Variants in TFDP2 observed in about 807,000 individuals in gnomAD.
TFDP2 encodes the protein transcription factor Dp-2.
TFDP2 carries 17 observed loss-of-function variants against 59.3 expected under a neutral mutation model. The ratio of observed to expected loss-of-function variants is 0.29; its 90% CI spans 0.20 to 0.43. TFDP2 has a LOEUF of 0.43. TFDP2 is among the 20% of genes least tolerant of loss of function. The probability of loss-of-function intolerance (pLI) is 1.00; values close to 1 mark genes in which losing one functional copy is unlikely to be tolerated. For synonymous variants in TFDP2, 180 were observed against 194.7 expected (o/e 0.92, Z 0.63); for missense variants, 391 against 528.8 (o/e 0.74, Z 2.56).
At chr3:142,148,234 A>G (rs577921940) in intron 1 of TFDP2, among the ~76,000 whole-genome samples, 235 of 152,298 alleles carry the variant, frequency 1.5e-3, no homozygotes, top group Admixed American at 5.4e-3. Context: ...AAGAAAGCAA[A>G]TAAGTGAGAG....
intron 3 of TFDP2, among the ~76,000 whole-genome samples, chr3:142,023,930 A>G (rs1945869190): frequency 6.6e-6 from 1 of 152,150 alleles, no homozygotes; most frequent in Non-Finnish European, 1.5e-5. Context: ...TCTCCCGAGT[A>G]GCTGGGACCA....
chr3:142,094,030 T>C (rs1319935594), intron 2 of TFDP2: 1 of 478,762 alleles, frequency 2.1e-6, no homozygotes, highest in Admixed American at 2.1e-5. Context: ...TTTATTTCAT[T>C]TAAGGTAATA....
chr3:142,076,147 G>A (rs1488063696), intron 3 of TFDP2, among the ~76,000 whole-genome samples: 3 of 150,930 alleles, frequency 2.0e-5, no homozygotes, highest in African/African-American at 7.3e-5. Context: ...GGAGGCAGAG[G>A]TTGCAGTGAG....
At chr3:142,033,445 C>T (rs536718903) in intron 3 of TFDP2, among the ~76,000 whole-genome samples, 69 of 152,190 alleles carry the variant, frequency 4.5e-4, no homozygotes, top group African/African-American at 1.4e-3. Flanking sequence ...CCTGTGTTAA[C>T]GTTATCTTCT....
intron 3 of TFDP2, among the ~76,000 whole-genome samples, chr3:142,062,531 G>A (rs1314298119): frequency 6.6e-6 from 1 of 151,856 alleles, no homozygotes; most frequent in Non-Finnish European, 1.5e-5. Flanking sequence ...TGGAGCAACA[G>A]AAATCCTCAT....
intron 1 of TFDP2, among the ~76,000 whole-genome samples, chr3:142,123,499 C>T (rs1429611886): frequency 6.6e-6 from 1 of 151,826 alleles, no homozygotes; most frequent in Admixed American, 6.6e-5. Context: ...AACTCCTGAC[C>T]TCAAATGATC....
At chr3:142,046,724 TC>T (rs1947360516) in intron 3 of TFDP2, among the ~76,000 whole-genome samples, 1 of 152,178 alleles carries the variant, frequency 6.6e-6, no homozygotes, top group South Asian at 2.1e-4. Context: ...GGATCAATCT[TC>T]ATTTCTACTC....
chr3:142,059,796 G>C, intron 3 of TFDP2, among the ~76,000 whole-genome samples: 1 of 152,058 alleles, frequency 6.6e-6, no homozygotes, highest in South Asian at 2.1e-4. Context: ...TGGCCAGGCT[G>C]GTCTCAAACT....
chr3:142,062,379 ATATATATATTATATAATATATATGTG>A (rs2059946308), intron 3 of TFDP2, among the ~76,000 whole-genome samples: 1 of 130,564 alleles, frequency 7.7e-6, no homozygotes, highest in Admixed American at 9.1e-5. Flanking sequence ...ATATACACAT[ATATATATATTATATAATATATATGTG>A]TGTGTGTGTG....
intron 10 of TFDP2, among the ~76,000 whole-genome samples, chr3:141,961,664 T>C (rs771847474): frequency 2.6e-5 from 4 of 152,222 alleles, no homozygotes; most frequent in Non-Finnish European, 5.9e-5. Flanking sequence ...GGCTGGGTTG[T>C]ATATTAATTT....
Position 142,148,720 on chromosome 3 carries a change from A to C in TFDP2, c.-93+463T>G, listed in dbSNP as rs922121636. 1.7e-4 allele frequency among the ~76,000 whole-genome samples: 26 copies of C among 152,228 alleles called. 1 individual carries two copies. Among genetic ancestry groups the C allele is most frequent in the Non-Finnish European group, 5.9e-5 (4 of 68,044 alleles). ...GTCTGGGCCCAAAAAGCGATCCTCT[A>C]CTTCAGAGAAAAGTTCCTTTATGGG... On this transcript the variant is annotated intron_variant, in intron 1 of 12. Coordinates refer to ENST00000489671, the MANE Select transcript of TFDP2 (RefSeq NM_001178139.2).
intron 1 of TFDP2, among the ~76,000 whole-genome samples, chr3:142,125,371 G>A (rs2062195803): frequency 6.6e-6 from 1 of 152,214 alleles, no homozygotes; most frequent in African/African-American, 2.4e-5. Flanking sequence ...CCTTACGTTA[G>A]TGGTGGAAGA....
rs80056184 is a variant in TFDP2, at chr3:142,011,603, A to G, written c.83-6059T>C. On this transcript the variant is annotated intron_variant, in intron 3 of 12. Coordinates refer to ENST00000489671, the MANE Select transcript of TFDP2 (RefSeq NM_001178139.2). ...CTTAAAGTATAATAAAAAAAAAAAG[A>G]AAAAAAAAAAAGAAGTGAGGAAAAC... Among the ~76,000 whole-genome samples, 289 of 125,932 alleles carry G rather than the reference A, an allele frequency of 2.3e-3. 1 individual carries two copies. Among genetic ancestry groups the G allele is most frequent in the African/African-American group, 8.6e-3 (209 of 24,294 alleles). 82.6% of individuals were successfully genotyped at this position (125,932 alleles called of 152,430 possible). A position where few individuals can be genotyped will look rare whatever the true frequency, so the allele number is the denominator to read the frequency against.
rs140456013 is a variant in TFDP2, at chr3:142,087,031, C to A, written c.82+6030G>T. Among the ~76,000 whole-genome samples the A allele has an allele frequency of 5.3e-5, 8 of 152,280 alleles. 1 individual carries two copies. The highest frequency in any genetic ancestry group is 1.9e-4 in the African/African-American group (8 of 41,550). On this transcript the variant is annotated intron_variant, in intron 3 of 12. Coordinates refer to ENST00000489671, the MANE Select transcript of TFDP2 (RefSeq NM_001178139.2). ...ACCAAATATTACAACAAAAGATACT[C>A]CTAGTACTCCTATCTACAAGGGTAT...
intron 9 of TFDP2, among the ~76,000 whole-genome samples, chr3:141,967,037 C>G (rs909115151): frequency 6.6e-6 from 1 of 151,776 alleles, no homozygotes; most frequent in African/African-American, 2.4e-5. Context: ...TTGCCTCAGC[C>G]TCCTGAGTAC....
At chr3:141,981,492 T>C (rs1941484705) in intron 6 of TFDP2, among the ~76,000 whole-genome samples, 1 of 152,168 alleles carries the variant, frequency 6.6e-6, no homozygotes, top group South Asian at 2.1e-4. Flanking sequence ...AAACATGCAG[T>C]TTTAAAAGGA....
intron 3 of TFDP2, among the ~76,000 whole-genome samples, chr3:142,069,289 T>C (rs1291746218): frequency 6.6e-6 from 1 of 152,222 alleles, no homozygotes; most frequent in East Asian, 1.9e-4. Context: ...ATTTTACATC[T>C]GCATAGCATT....
chr3:142,132,874 T>G (rs956626342), intron 1 of TFDP2, among the ~76,000 whole-genome samples: 3 of 138,482 alleles, frequency 2.2e-5, no homozygotes, highest in African/African-American at 8.5e-5. Flanking sequence ...AATAGAAAAA[T>G]ATATGATATT....
chr3:142,082,639 C>T (rs58505894), intron 3 of TFDP2, among the ~76,000 whole-genome samples: 7,023 of 152,142 alleles, frequency 0.046, 526 homozygotes, highest in African/African-American at 0.16. Flanking sequence ...ACTACTAAAC[C>T]GTATTCAACA....
Sources: allele counts gnomAD v4.1 joint callset (sites outside exome capture counted in the v4.1 genomes callset), GRCh38; gene constraint gnomAD v4.1.1; transcripts MANE v1.5; gene names NCBI Gene and HGNC (gene_info 2026-07-23, HGNC 2026-07-21).